EDNRB: variants seen among roughly 807,000 people sequenced by gnomAD.
EDNRB encodes the protein endothelin receptor type B.
In EDNRB, 18 loss-of-function variants were observed where a neutral mutation model predicts 46.4. The observed-to-expected ratio is 0.39, with a 90% CI of 0.27 to 0.57. The LOEUF is 0.57. EDNRB is among the 20% of genes least tolerant of loss of function. The probability of loss-of-function intolerance (pLI) is 0.61; values close to 1 mark genes in which losing one functional copy is unlikely to be tolerated. For missense variants in EDNRB, 434 were observed against 537.5 expected (o/e 0.81, Z 1.90); for synonymous variants, 213 against 204.9 (o/e 1.04, Z -0.34).
intron 1 of EDNRB, among the ~76,000 whole-genome samples, chr13:77,935,965 A>G (rs1467580170): frequency 6.6e-6 from 1 of 152,204 alleles, no homozygotes; most frequent in African/African-American, 2.4e-5. Context: ...TAGGACAGGT[A>G]AAATGGGGGA....
At chr13:77,970,970 G>A (rs1881711705) in intron 1 of EDNRB, among the ~76,000 whole-genome samples, 2 of 152,156 alleles carry the variant, frequency 1.3e-5, no homozygotes, top group African/African-American at 4.8e-5. Flanking sequence ...CTTTGGCTGT[G>A]TGTGGACCAG....
intron 1 of EDNRB, among the ~76,000 whole-genome samples, chr13:77,961,957 A>G (rs953541737): frequency 2.1e-4 from 32 of 152,224 alleles, no homozygotes; most frequent in Admixed American, 3.9e-4. Context: ...TATCACCACC[A>G]ATCCCACAGA....
chr13:77,957,567 T>G (rs1312965694), intron 1 of EDNRB, among the ~76,000 whole-genome samples: 1 of 152,244 alleles, frequency 6.6e-6, no homozygotes, highest in Non-Finnish European at 1.5e-5. Flanking sequence ...GGAATAACAA[T>G]AATACCTATC....
At chr13:77,970,703 C>G (rs1439700541) in intron 1 of EDNRB, among the ~76,000 whole-genome samples, 1 of 151,992 alleles carries the variant, frequency 6.6e-6, no homozygotes, top group African/African-American at 2.4e-5. Flanking sequence ...TCAGATGGGT[C>G]ATAACACACA....
upstream of EDNRB, among the ~76,000 whole-genome samples, chr13:77,924,292 C>T (rs1474359558): frequency 2.0e-5 from 3 of 152,166 alleles, no homozygotes; most frequent in East Asian, 3.9e-4. Flanking sequence ...TATTGCTATC[C>T]GTGAAGAAAG....
At chr13:77,907,853 T>C (rs1001865450) in intron 1 of EDNRB, among the ~76,000 whole-genome samples, 2 of 151,636 alleles carry the variant, frequency 1.3e-5, no homozygotes, top group Admixed American at 1.3e-4. Context: ...TTCATACCAC[T>C]GGAGGCCTGC....
chr13:77,912,374 A>G (rs1879615056), intron 1 of EDNRB, among the ~76,000 whole-genome samples: 3 of 152,114 alleles, frequency 2.0e-5, no homozygotes, highest in Admixed American at 2.0e-4. Flanking sequence ...ATTTTGTCAC[A>G]GAAATCTATG....
At position 77,898,458 on chromosome 13, in the gene EDNRB, C is replaced by G. The variant is rs1376190557; in HGVS notation, c.1195-124G>C. On this transcript the variant is annotated intron_variant, in intron 6 of 6. Transcript: ENST00000646607. ...TTCTTGGGCCCTTTCTTTCAGTGCT[C>G]TTTTATTTTCCCTCTTAAAAGAATA... 4.5e-6 allele frequency: 6 copies of G among 1,343,992 alleles called. No individual in the cohort carries two copies. The African/African-American group carries it at 8.9e-5, about 20-fold the overall frequency. The allele number at this position is 1,343,992 out of a possible 1,614,324, so 83.3% of individuals were successfully genotyped here. A position where few individuals can be genotyped will look rare whatever the true frequency, so the allele number is the denominator to read the frequency against.
upstream of EDNRB, chr13:77,919,675 C>T: frequency 6.7e-7 from 1 of 1,499,784 alleles, no homozygotes; most frequent in Non-Finnish European, 9.0e-7. Context: ...CCGCTGCAAC[C>T]TTTCCCCTTG....
chr13:77,913,678 C>T (rs568850201), intron 1 of EDNRB, among the ~76,000 whole-genome samples: 1 of 152,106 alleles, frequency 6.6e-6, no homozygotes, highest in Non-Finnish European at 1.5e-5. Context: ...AACCTACAAC[C>T]AAGTTTTGTT....
intron 1 of EDNRB, among the ~76,000 whole-genome samples, chr13:77,915,011 A>G (rs1879739320): frequency 6.6e-6 from 1 of 152,236 alleles, no homozygotes. Flanking sequence ...AAAGAGAATT[A>G]TAAAACCCCA....
At chr13:77,961,022 A>G (rs1323073387) in intron 1 of EDNRB, among the ~76,000 whole-genome samples, 1 of 152,232 alleles carries the variant, frequency 6.6e-6, no homozygotes, top group Non-Finnish European at 1.5e-5. Flanking sequence ...CACCCAGTAC[A>G]GGAGCACCCA....
intron 1 of EDNRB, among the ~76,000 whole-genome samples, chr13:77,930,445 A>G (rs943158266): frequency 6.6e-6 from 1 of 152,208 alleles, no homozygotes; most frequent in Non-Finnish European, 1.5e-5. Flanking sequence ...TTTAATTATT[A>G]CTTCAGAACA....
upstream of EDNRB, chr13:77,918,994 G>T: frequency 1.1e-6 from 1 of 900,164 alleles, no homozygotes; most frequent in Non-Finnish European, 1.4e-6. The surrounding 1 kb of genome is among the most constrained non-coding windows in gnomAD (Gnocchi z 4.5). Context: ...TGGGAACCGC[G>T]GAATTAAGGC....
chr13:77,932,462 A>C (rs548561397), intron 1 of EDNRB, among the ~76,000 whole-genome samples: 4 of 152,266 alleles, frequency 2.6e-5, no homozygotes, highest in African/African-American at 9.6e-5. Flanking sequence ...ATTTATGTCT[A>C]CTTTATTAAA....
At position 77,896,878 on chromosome 13, in the gene EDNRB, A is replaced by C. The variant is rs1200069712; in HGVS notation, c.*1322T>G. 6.9e-6 allele frequency: 7 copies of C among 1,021,106 alleles called. No homozygotes were observed. The highest frequency in any genetic ancestry group is 4.6e-4 in the Middle Eastern group (1 of 2,154). 63.3% of individuals were successfully genotyped at this position (1,021,106 alleles called of 1,614,324 possible). On this transcript the variant is annotated 3_prime_UTR_variant, in exon 7 of 7. Coordinates refer to ENST00000646607, the MANE Select transcript of EDNRB (RefSeq NM_001122659.3). ...AGATATAAAAATTAGGCAGGAACGCACAAAGCTAAGAGGTTCTTACGGTCT... is the reference window on the plus strand; with the variant it reads ...AGATATAAAAATTAGGCAGGAACGCCCAAAGCTAAGAGGTTCTTACGGTCT...
At chr13:77,952,083 C>A (rs985658882) in intron 1 of EDNRB, among the ~76,000 whole-genome samples, 2 of 152,086 alleles carry the variant, frequency 1.3e-5, no homozygotes, top group Non-Finnish European at 2.9e-5. Flanking sequence ...CGATCCAGAT[C>A]CCAAGAGAGG....
rs1382035452 is a variant in EDNRB, at chr13:77,903,322, A to G, written c.635T>C (p.Ile212Thr). The G allele has an allele frequency of 3.1e-6, 5 of 1,613,028 alleles. No individual in the cohort carries two copies. Among genetic ancestry groups the G allele is most frequent in the East Asian group, 2.2e-5 (1 of 44,822 alleles). ...TACTGCTGTCCATTTTGGAACCCCA[A>G]TTCCTTTAATTCTACTCCAAGAAGC... ...AVASWSRIKG[I>T]GVPKWTAVEI... Residue 212 changes from isoleucine to threonine, a missense_variant, in exon 3 of 7, where the codon ATT becomes ACT. By Grantham distance (89) the Ile-to-Thr change is moderately conservative. Transcript: ENST00000646607.
chr13:77,930,382 G>A (rs187457898), intron 1 of EDNRB, among the ~76,000 whole-genome samples: 2 of 152,308 alleles, frequency 1.3e-5, no homozygotes, highest in East Asian at 3.9e-4. Context: ...ATGTTCCCAA[G>A]AAGCTACTTT....
Sources: allele counts gnomAD v4.1 joint callset (sites outside exome capture counted in the v4.1 genomes callset), GRCh38; gene constraint gnomAD v4.1.1; non-coding constraint Gnocchi (gnomAD v3.1); transcripts MANE v1.5; gene names NCBI Gene and HGNC (gene_info 2026-07-23, HGNC 2026-07-21).